The following GLYR1 variants were observed in gnomAD, a reference collection of about 807,000 sequenced individuals.
GLYR1 encodes the protein glyoxylate reductase 1 homolog.
Under a neutral mutation model 72.7 loss-of-function variants are expected in GLYR1, and 21 were observed. The ratio of observed to expected loss-of-function variants is 0.29; its 90% confidence interval spans 0.20 to 0.42. The LOEUF (loss-of-function observed/expected upper bound fraction) is 0.42, where lower values mean the gene tolerates loss of function less well. GLYR1 is among the 10% of genes least tolerant of loss of function. GLYR1 has a pLI of 1.00. For missense variants in GLYR1, 594 were observed against 712.1 expected (o/e 0.83, Z 1.89); for synonymous variants, 392 against 270.2 (o/e 1.45, Z -4.42).
At position 4,803,317 on chromosome 16, in the gene GLYR1, G is replaced by A. The variant is rs746893195; in HGVS notation, c.*1919C>T. 2 of 152,586 alleles carry A rather than the reference G, an allele frequency of 1.3e-5. No individual in the cohort carries two copies. Among genetic ancestry groups the A allele is most frequent in the African/African-American group, 4.8e-5 (2 of 41,442 alleles). The allele number at this position is 152,586 out of a possible 1,614,324, so 9.5% of individuals were successfully genotyped here. A position where few individuals can be genotyped will look rare whatever the true frequency, so the allele number is the denominator to read the frequency against. The stretch of plus-strand genomic sequence containing the variant: ...CACAATCCTATTCTGAAAGACAAAT[G>A]TTCATTAAAAACAAAGCAAAAATAA... On this transcript the variant is annotated 3_prime_UTR_variant, in exon 16 of 16. Transcript: ENST00000321919.
chr16:4,823,410 T>A (rs892431814), intron 6 of GLYR1, among the ~76,000 whole-genome samples: 1 of 152,164 alleles, frequency 6.6e-6, no homozygotes, highest in African/African-American at 2.4e-5. Flanking sequence ...TCCATAATTA[T>A]GCCCAGCAAC....
chr16:4,812,330 G>C, intron 12 of GLYR1, 82 bp from the exon 13 acceptor site: 1 of 1,443,026 alleles, frequency 6.9e-7, no homozygotes, highest in Non-Finnish European at 9.3e-7. Flanking sequence ...TTGCTGAGTG[G>C]CCACGGCTGC....
intron 7 of GLYR1, 24 bp downstream of exon 7, chr16:4,822,850 GC>G (rs1396383559): frequency 1.3e-5 from 21 of 1,607,902 alleles, no homozygotes; most frequent in Non-Finnish European, 5.1e-6. Context: ...CTGACCAAGG[GC>G]CAAGAGCCTC....
intron 7 of GLYR1, among the ~76,000 whole-genome samples, chr16:4,822,347 A>G (rs1326696548): frequency 6.6e-6 from 1 of 152,072 alleles, no homozygotes; most frequent in South Asian, 2.1e-4. Context: ...TTGGCCTCCC[A>G]AAGTGCTGGG....
chr16:4,822,839 CCT>C, intron 7 of GLYR1, 34 bp downstream of exon 7: 1 of 1,585,144 alleles, frequency 6.3e-7, no homozygotes, highest in Non-Finnish European at 8.7e-7. Context: ...TTGGCCAGCC[CCT>C]GACCAAGGGC....
rs775022707 is a variant in GLYR1 at position 4,832,093 on chromosome 16, T to C, written c.423A>G (p.Gly141=). The change falls in exon 5 of 16, where the codon GGA becomes GGG. Residue 141 remains glycine, a synonymous_variant. Coordinates refer to ENST00000321919, the MANE Select transcript of GLYR1 (RefSeq NM_032569.4). Reference sequence around the variant, plus strand: ...CTGAAGACACCCTCTTCTTTCCTTCTCCCATGTTCTTCTTCACCTTCCCTT... The same window carrying C: ...CTGAAGACACCCTCTTCTTTCCTTCCCCCATGTTCTTCTTCACCTTCCCTT... ...LSEGKVKKNM[G]EGKKRVSSGS... The C allele has an allele frequency of 6.2e-7, 1 of 1,614,176 alleles. No individual in the cohort carries two copies. The highest frequency in any genetic ancestry group is 8.5e-7 in the Non-Finnish European group (1 of 1,180,034).
rs192585025 is a variant in GLYR1, at chr16:4,812,210, G to T, written c.1158C>A (p.Pro386=). The part of the protein sequence containing the change: ...VSRGGRFLEA[P]VSGNQQLSND... ...TAGACAGCTGCTGATTCCCTGAGAC[G>T]GGGGCTTCCAGAAAGCGCCCCCCCC... The change falls in exon 13 of 16, where the codon CCC becomes CCA. Residue 386 remains proline, a synonymous_variant. Coordinates refer to ENST00000321919, the MANE Select transcript of GLYR1 (RefSeq NM_032569.4). 3.1e-6 allele frequency: 5 copies of T among 1,613,922 alleles called. 1 individual carries two copies. The South Asian group carries it at 5.5e-5, about 18-fold the overall frequency.
In GLYR1 at chr16:4,846,101, A is replaced by G; in HGVS notation, c.75+73T>C. The G allele has an allele frequency of 4.0e-6, 6 of 1,487,190 alleles. No individual in the cohort carries two copies. The South Asian group carries it at 5.7e-5, about 14-fold the overall frequency. The allele number at this position is 1,487,190 out of a possible 1,614,324, so 92.1% of individuals were successfully genotyped here. ...ATTTAACTCAATACTAGAAACTGAG[A>G]GGAATGCATCTTACATTCTCCACCT... On this transcript the variant is annotated intron_variant, in intron 2 of 15. Transcript: ENST00000321919.
At position 4,845,132 on chromosome 16, in the gene GLYR1, A is replaced by C. The variant is rs1298941630; in HGVS notation, c.97T>G (p.Leu33Val). 6.2e-7 allele frequency: 1 copy of C among 1,614,136 alleles called. No homozygotes were observed. The highest frequency in any genetic ancestry group is 8.5e-7 in the Non-Finnish European group (1 of 1,179,960). Residue 33 changes from leucine (L) to valine (V), a missense_variant, in exon 3 of 16, where the codon TTG becomes GTG. Physicochemically the swap from Leu to Val is conservative, Grantham distance 32. Coordinates refer to ENST00000321919, the MANE Select transcript of GLYR1 (RefSeq NM_032569.4). ...CATTTCTTTCCGCGAGGTTTCTTCA[A>C]GTCCTTTGGTGGATTAACAATCTGG... ...PGKIVNPPKD[L>V]KKPRGKKCFF...
chr16:4,814,212 C>T (rs1403674964), intron 11 of GLYR1, among the ~76,000 whole-genome samples: 2 of 152,184 alleles, frequency 1.3e-5, no homozygotes, highest in African/African-American at 4.8e-5. Flanking sequence ...AATACAGTGA[C>T]AGCTAAACAT....
At chr16:4,832,480 G>A (rs2084863373) in intron 4 of GLYR1, 2 of 575,168 alleles carry the variant, frequency 3.5e-6, no homozygotes, top group African/African-American at 1.9e-5. Context: ...CAGAGGCTAT[G>A]CTCCTAATCT....
chr16:4,812,009 G>T, intron 13 of GLYR1, 77 bp downstream of exon 13: 1 of 1,528,152 alleles, frequency 6.5e-7, no homozygotes. Context: ...AGGCCGTGTG[G>T]GACTGACGCT....
intron 15 of GLYR1, among the ~76,000 whole-genome samples, chr16:4,809,026 A>G (rs1288912639): frequency 1.3e-5 from 2 of 151,980 alleles, no homozygotes; most frequent in Non-Finnish European, 2.9e-5. Context: ...GCTAATAGAC[A>G]TGCTAATTAA....
In GLYR1 at chr16:4,817,710, G is replaced by C. The variant is rs753258136; in HGVS notation, c.807-13C>G. The C allele has an allele frequency of 1.3e-6, 2 of 1,504,690 alleles. No individual in the cohort carries two copies. Among genetic ancestry groups the C allele is most frequent in the African/African-American group, 1.4e-5 (1 of 72,716 alleles). The allele number at this position is 1,504,690 out of a possible 1,614,324, so 93.2% of individuals were successfully genotyped here. On this transcript the variant is annotated splice_polypyrimidine_tract_variant and intron_variant, in intron 9 of 15. Transcript: ENST00000321919. ...CAAAAATCCTATCCTGAAACAGAGA[G>C]AGACTGATGAGTTCAGGGTGGAAAG...
In GLYR1 at chr16:4,847,277, A is replaced by C. The variant is rs909995207; in HGVS notation, c.-12T>G. 5 of 1,606,984 alleles carry C rather than the reference A, an allele frequency of 3.1e-6. No individual in the cohort carries two copies. Among genetic ancestry groups the C allele is most frequent in the African/African-American group, 1.4e-5 (1 of 73,876 alleles). Reference sequence around the variant, plus strand: ...CTCACAGCCGCCATCTTACCACCCAACCACCGCCGACGCACGGGCCGCCGG... The same window carrying C: ...CTCACAGCCGCCATCTTACCACCCACCCACCGCCGACGCACGGGCCGCCGG... On this transcript the variant is annotated 5_prime_UTR_variant, in exon 1 of 16. Transcript: ENST00000321919.
At chr16:4,812,476 A>G (rs1473787871) in intron 12 of GLYR1, among the ~76,000 whole-genome samples, 1 of 151,838 alleles carries the variant, frequency 6.6e-6, no homozygotes, top group African/African-American at 2.4e-5. Flanking sequence ...GTCTCCACAC[A>G]GGAACCCAAC....
intron 5 of GLYR1, among the ~76,000 whole-genome samples, chr16:4,830,367 C>G (rs996212336): frequency 3.3e-5 from 5 of 152,078 alleles, no homozygotes; most frequent in Non-Finnish European, 7.4e-5. Flanking sequence ...GCCTTCCCAG[C>G]TTCTCTTGAG....
intron 15 of GLYR1, among the ~76,000 whole-genome samples, chr16:4,807,516 A>G (rs1001651812): frequency 3.9e-5 from 6 of 152,220 alleles, no homozygotes; most frequent in Admixed American, 2.0e-4. Context: ...ATTGAACCAC[A>G]TATCAATACA....
intron 5 of GLYR1, among the ~76,000 whole-genome samples, chr16:4,826,822 C>A (rs1040737562): frequency 6.6e-6 from 1 of 152,166 alleles, no homozygotes; most frequent in Non-Finnish European, 1.5e-5. Flanking sequence ...GTGGCTGGGG[C>A]AGCACAGCTG....
Sources: gnomAD v4.1 joint callset for allele counts (sites outside exome capture counted in the v4.1 genomes callset) on GRCh38, gnomAD v4.1.1 for gene constraint, MANE v1.5 for transcripts, NCBI Gene and HGNC (gene_info 2026-07-23, HGNC 2026-07-21) for gene names.